The following DPP10 variants were observed in gnomAD, a reference collection of about 807,000 sequenced individuals.
The protein encoded by DPP10 is dipeptidyl peptidase like 10, also known as inactive dipeptidyl peptidase 10.
In DPP10, 33 loss-of-function variants were observed where a neutral mutation model predicts 120.9. The ratio of observed to expected loss-of-function variants is 0.27; its 90% CI spans 0.21 to 0.37. The LOEUF (loss-of-function observed/expected upper bound fraction) is 0.37. Among genes scored for constraint, DPP10 ranks in the 10% least tolerant of loss-of-function variants. The pLI, the probability that DPP10 is intolerant of heterozygous loss-of-function variation, is 1.00. For synonymous variants in DPP10, 337 were observed against 326.1 expected, an observed-to-expected ratio of 1.03 and a Z score of -0.36; for missense variants, 816 against 942.8, an observed-to-expected ratio of 0.87 and a Z score of 1.76.
chr2:115,099,811 G>C (rs2048590434), intron 1 of DPP10, among the ~76,000 whole-genome samples: 1 of 152,162 alleles, frequency 6.6e-6, no homozygotes, highest in African/African-American at 2.4e-5. Flanking sequence ...CTTTTGCTCT[G>C]TAAGGCTGGC....
intron 3 of DPP10, among the ~76,000 whole-genome samples, chr2:115,349,955 C>T (rs1342645327): frequency 6.6e-6 from 1 of 151,866 alleles, no homozygotes; most frequent in African/African-American, 2.4e-5. Flanking sequence ...ATCTTCGTGA[C>T]CAAAGTGTTA....
intron 1 of DPP10, among the ~76,000 whole-genome samples, chr2:114,899,303 G>A (rs1427264538): frequency 6.6e-6 from 1 of 151,600 alleles, no homozygotes; most frequent in Non-Finnish European, 1.5e-5. Flanking sequence ...TTTTTATTGG[G>A]AAATAAAATA....
At chr2:115,655,393 CT>C (rs1261595925) in intron 5 of DPP10, among the ~76,000 whole-genome samples, 3 of 151,344 alleles carry the variant, frequency 2.0e-5, no homozygotes, top group Admixed American at 1.3e-4. Flanking sequence ...CAAAATAAAA[CT>C]TTTTTTTAGA....
intron 21 of DPP10, 93 bp downstream of exon 21, chr2:115,815,822 A>G: frequency 1.6e-6 from 2 of 1,249,836 alleles, no homozygotes; most frequent in Non-Finnish European, 1.1e-6. Flanking sequence ...TTGGTTACAG[A>G]TAAGTTCCAT....
intron 1 of DPP10, among the ~76,000 whole-genome samples, chr2:115,011,278 A>G (rs1322413190): frequency 1.3e-5 from 2 of 152,180 alleles, no homozygotes; most frequent in African/African-American, 4.8e-5. Context: ...TGTTCCAGAA[A>G]TGTCAATTAG....
intron 1 of DPP10, among the ~76,000 whole-genome samples, chr2:114,661,299 T>C (rs1310181562): frequency 2.6e-5 from 4 of 152,188 alleles, no homozygotes; most frequent in African/African-American, 7.2e-5. Context: ...AATTCTCTAG[T>C]AAGGAATCAA....
chr2:114,766,900 GAC>G (rs140006987), intron 1 of DPP10, among the ~76,000 whole-genome samples: 2 of 151,262 alleles, frequency 1.3e-5, no homozygotes, highest in South Asian at 2.1e-4. Flanking sequence ...TAGCACCACA[GAC>G]ACACACACAC....
At chr2:114,950,112 A>G (rs1697663289) in intron 1 of DPP10, among the ~76,000 whole-genome samples, 1 of 152,198 alleles carries the variant, frequency 6.6e-6, no homozygotes, top group Non-Finnish European at 1.5e-5. Flanking sequence ...GTTTAAGATT[A>G]TCTTTCCTAA....
At chr2:114,492,531 A>G (rs1682096168) in intron 1 of DPP10, among the ~76,000 whole-genome samples, 1 of 152,232 alleles carries the variant, frequency 6.6e-6, no homozygotes, top group Non-Finnish European at 1.5e-5. Context: ...AAAATGTCCT[A>G]TAAGATTTCA....
intron 3 of DPP10, among the ~76,000 whole-genome samples, chr2:115,361,997 TGTGTGTATGTTTTG>T (rs2064802746): frequency 6.1e-5 from 1 of 16,424 alleles, no homozygotes; most frequent in Non-Finnish European, 1.8e-4. Flanking sequence ...TGTATGTTTG[TGTGTGTATGTTTTG>T]TGTGTATGTT....
At chr2:115,534,691 G>C (rs10198338) in intron 5 of DPP10, among the ~76,000 whole-genome samples, 29,531 of 147,278 alleles carry the variant, frequency 0.2, 4,206 homozygotes, top group African/African-American at 0.4. Context: ...GCCACACTGA[G>C]TTCCACAATG....
At chr2:115,640,330 G>T (rs1056276727) in intron 5 of DPP10, among the ~76,000 whole-genome samples, 1 of 23,540 alleles carries the variant, frequency 4.2e-5, no homozygotes, top group African/African-American at 1.5e-4. Context: ...CTTCACACTC[G>T]CTTTGTTTTC....
intron 1 of DPP10, among the ~76,000 whole-genome samples, chr2:115,017,369 A>T (rs1362578180): frequency 6.6e-6 from 1 of 152,260 alleles, no homozygotes; most frequent in East Asian, 1.9e-4. Context: ...CCTGGAGAGG[A>T]TGTGGAGAAA....
intron 3 of DPP10, among the ~76,000 whole-genome samples, chr2:115,356,030 G>C (rs573405700): frequency 6.6e-6 from 1 of 152,232 alleles, no homozygotes. Context: ...GATTGTCTTG[G>C]CTATACAGGG....
intron 7 of DPP10, among the ~76,000 whole-genome samples, chr2:115,715,546 G>C (rs1047679682): frequency 2.6e-5 from 4 of 151,896 alleles, no homozygotes; most frequent in Non-Finnish European, 5.9e-5. Context: ...TACCATATTT[G>C]GTAATTTGTT....
intron 1 of DPP10, among the ~76,000 whole-genome samples, chr2:115,160,704 C>T (rs751351670): frequency 1.3e-5 from 2 of 152,194 alleles, no homozygotes; most frequent in Non-Finnish European, 2.9e-5. Flanking sequence ...CTAGGGAAAG[C>T]CACGTGCACT....
intron 3 of DPP10, among the ~76,000 whole-genome samples, chr2:115,384,173 T>C (rs1314366004): frequency 6.6e-6 from 1 of 152,112 alleles, no homozygotes; most frequent in Admixed American, 6.5e-5. Context: ...TCAAAGAAAG[T>C]CATAGAAACC....
intron 3 of DPP10, among the ~76,000 whole-genome samples, chr2:115,398,744 C>T (rs1167006907): frequency 6.6e-6 from 1 of 152,114 alleles, no homozygotes; most frequent in Non-Finnish European, 1.5e-5. Flanking sequence ...TATCAGACTT[C>T]AGCCTCAAGC....
At chr2:115,212,755 C>T (rs1040886253) in intron 1 of DPP10, among the ~76,000 whole-genome samples, 1 of 152,098 alleles carries the variant, frequency 6.6e-6, no homozygotes, top group Non-Finnish European at 1.5e-5. Flanking sequence ...GCATAACTTG[C>T]ATCAGTATAT....
Sources: gnomAD v4.1 joint callset for allele counts (sites outside exome capture counted in the v4.1 genomes callset) on GRCh38, gnomAD v4.1.1 for gene constraint, MANE v1.5 for transcripts, NCBI Gene and HGNC (gene_info 2026-07-23, HGNC 2026-07-21) for gene names.